MBNL1: variants seen among roughly 807,000 people sequenced by gnomAD.
MBNL1 encodes the protein muscleblind like splicing regulator 1, also known as muscleblind-like protein 1.
A neutral mutation model predicts 42.2 loss-of-function variants in MBNL1; 8 were observed. The observed-to-expected ratio is 0.19, with a 90% CI of 0.11 to 0.34. MBNL1 has a LOEUF of 0.34. Among genes scored for constraint, MBNL1 ranks in the 10% least tolerant of loss-of-function variants. The pLI is 1.00. For synonymous variants in MBNL1, 169 were observed against 173.9 expected, an observed-to-expected ratio of 0.97 and a Z score of 0.22; for missense variants, 309 against 495.3, an observed-to-expected ratio of 0.62 and a Z score of 3.57.
chr3:152,393,695 G>T (rs940072897), intron 2 of MBNL1, among the ~76,000 whole-genome samples: 2 of 152,010 alleles, frequency 1.3e-5, no homozygotes, highest in Middle Eastern at 3.4e-3. Flanking sequence ...TTTCTATCCT[G>T]CATCACCCAG....
At chr3:152,381,002 A>G (rs1293474085) in intron 2 of MBNL1, among the ~76,000 whole-genome samples, 3 of 152,098 alleles carry the variant, frequency 2.0e-5, no homozygotes, top group Non-Finnish European at 4.4e-5. Flanking sequence ...GAGGGGCAGC[A>G]ATAAGATAAA....
At chr3:152,409,754 C>A (rs2098522216) in intron 2 of MBNL1, among the ~76,000 whole-genome samples, 1 of 152,136 alleles carries the variant, frequency 6.6e-6, no homozygotes, top group Non-Finnish European at 1.5e-5. Flanking sequence ...TTAAATAGAA[C>A]TTGGTAATTG....
chr3:152,400,316 C>T (rs957512778), intron 2 of MBNL1, among the ~76,000 whole-genome samples: 4 of 152,112 alleles, frequency 2.6e-5, no homozygotes, highest in Non-Finnish European at 4.4e-5. Context: ...TAAACATTTG[C>T]TATAGCTATG....
At chr3:152,345,569 T>C (rs2094108701) in intron 2 of MBNL1, among the ~76,000 whole-genome samples, 1 of 152,172 alleles carries the variant, frequency 6.6e-6, no homozygotes, top group African/African-American at 2.4e-5. Flanking sequence ...CAAATAAATA[T>C]TTTTAAAATA....
intron 5 of MBNL1, among the ~76,000 whole-genome samples, 162 bp from the exon 6 acceptor site, chr3:152,447,458 T>G (rs76214613): frequency 2.0e-5 from 3 of 151,626 alleles, no homozygotes; most frequent in Non-Finnish European, 2.9e-5. Flanking sequence ...TTTTTTTTTT[T>G]CCTCCTTAAT....
intron 1 of MBNL1, among the ~76,000 whole-genome samples, chr3:152,277,881 T>A (rs1314860289): frequency 6.6e-6 from 1 of 152,096 alleles, no homozygotes; most frequent in East Asian, 1.9e-4. Flanking sequence ...ATAAAAATAA[T>A]ACAGAAATTA....
intron 8 of MBNL1, chr3:152,458,490 C>T (rs1452051601): frequency 6.2e-6 from 2 of 324,796 alleles, no homozygotes; most frequent in Admixed American, 4.6e-5. Context: ...TGCTCAGGGT[C>T]ACACAGCCAG....
In MBNL1 at chr3:152,344,723, A is replaced by G. The variant is rs2093931824; in HGVS notation, c.174+44356A>G. On this transcript the variant is annotated intron_variant, in intron 2 of 9. Transcript: ENST00000324210. ...AAACATACATTGTTGTGAAAGTAAA[A>G]TATTAAATGTAGAGAGAAATTATCA... Among the ~76,000 whole-genome samples the G allele has an allele frequency of 2.0e-5, 3 of 152,278 alleles. No individual in the cohort carries two copies. In the South Asian group the frequency reaches 6.2e-4, roughly 32 times the overall value.
chr3:152,369,316 T>C (rs1041407544), intron 2 of MBNL1, among the ~76,000 whole-genome samples: 3 of 152,230 alleles, frequency 2.0e-5, no homozygotes, highest in Non-Finnish European at 2.9e-5. Context: ...TTACGTTTAT[T>C]GATTTGCATA....
intron 2 of MBNL1, among the ~76,000 whole-genome samples, chr3:152,395,369 A>G (rs1291457648): frequency 6.6e-6 from 1 of 152,188 alleles, no homozygotes; most frequent in Non-Finnish European, 1.5e-5. Flanking sequence ...ATGCAGGCCA[A>G]CTGTTGCGCT....
Position 152,356,233 on chromosome 3 carries a change from A to G in MBNL1, c.174+55866A>G, listed in dbSNP as rs572588164. Among the ~76,000 whole-genome samples, 10 of 146,652 alleles carry G rather than the reference A, an allele frequency of 6.8e-5. No homozygotes were observed. In the South Asian group the frequency reaches 2.2e-3, roughly 33 times the overall value. On this transcript the variant is annotated intron_variant, in intron 2 of 9. Coordinates refer to ENST00000324210, the MANE Select transcript of MBNL1 (RefSeq NM_021038.5). ...ACAAATATCCCAGCACACTTTTTTA[A>G]TTAAAAAAAAAAAGCACCCGAAAAA...
intron 2 of MBNL1, among the ~76,000 whole-genome samples, chr3:152,361,046 T>A (rs1378497816): frequency 6.6e-6 from 1 of 152,144 alleles, no homozygotes; most frequent in African/African-American, 2.4e-5. Flanking sequence ...ATATATGATA[T>A]AATTATGACC....
chr3:152,366,130 AAAG>A (rs2096351236), intron 2 of MBNL1, among the ~76,000 whole-genome samples: 1 of 152,202 alleles, frequency 6.6e-6, no homozygotes, highest in Admixed American at 6.6e-5. Flanking sequence ...ATCAGAAAAA[AAAG>A]AGTAATTTTG....
intron 2 of MBNL1, among the ~76,000 whole-genome samples, chr3:152,313,608 C>T (rs1002147410): frequency 6.6e-6 from 1 of 152,184 alleles, no homozygotes. Context: ...TTGTTCTTAT[C>T]TGAATGACAG....
chr3:152,404,125 G>T (rs2098345261), intron 2 of MBNL1, among the ~76,000 whole-genome samples: 1 of 152,114 alleles, frequency 6.6e-6, no homozygotes, highest in South Asian at 2.1e-4. Flanking sequence ...TTCAGTTAGG[G>T]AATCTCACAG....
At chr3:152,389,649 A>T (rs1208662202) in intron 2 of MBNL1, among the ~76,000 whole-genome samples, 1 of 152,146 alleles carries the variant, frequency 6.6e-6, no homozygotes, top group South Asian at 2.1e-4. Context: ...CACAGTAAAC[A>T]TATGGTATGA....
chr3:152,442,046 G>T (rs781393328), intron 4 of MBNL1, among the ~76,000 whole-genome samples: 1 of 152,138 alleles, frequency 6.6e-6, no homozygotes, highest in Non-Finnish European at 1.5e-5. Flanking sequence ...ACCCACCTCA[G>T]CCTCCCAAAG....
intron 2 of MBNL1, among the ~76,000 whole-genome samples, chr3:152,342,747 C>G (rs2093567868): frequency 6.6e-6 from 1 of 152,092 alleles, no homozygotes; most frequent in Non-Finnish European, 1.5e-5. Context: ...GGCAAACTTT[C>G]AAATTGAGGT....
At chr3:152,360,807 A>G (rs2095874231) in intron 2 of MBNL1, among the ~76,000 whole-genome samples, 1 of 152,206 alleles carries the variant, frequency 6.6e-6, no homozygotes, top group South Asian at 2.1e-4. Context: ...TCCGTCATAT[A>G]CATTTTTCTG....
Sources: gnomAD v4.1 joint callset for allele counts (sites outside exome capture counted in the v4.1 genomes callset) on GRCh38, gnomAD v4.1.1 for gene constraint, MANE v1.5 for transcripts, NCBI Gene and HGNC (gene_info 2026-07-23, HGNC 2026-07-21) for gene names.